The following CHSY1 variants were observed in gnomAD, a reference collection of about 807,000 sequenced individuals.
CHSY1 encodes N-acetylgalactosaminyl-proteoglycan 3-beta-glucuronosyltransferase 1.
Under a neutral mutation model 59.8 loss-of-function variants are expected in CHSY1, and 13 were observed. The ratio of observed to expected loss-of-function variants is 0.22; its 90% confidence interval spans 0.14 to 0.35. The LOEUF (loss-of-function observed/expected upper bound fraction) is 0.35. CHSY1 is among the 10% of genes least tolerant of loss of function. The probability of loss-of-function intolerance (pLI) is 1.00; values close to 1 mark genes in which losing one functional copy is unlikely to be tolerated. For synonymous variants in CHSY1, 459 were observed against 401.2 expected, an observed-to-expected ratio of 1.14 and a Z score of -1.72; for missense variants, 947 against 1,030.6, an observed-to-expected ratio of 0.92 and a Z score of 1.11.
chr15:101,183,234 A>C (rs2038304499), intron 2 of CHSY1, among the ~76,000 whole-genome samples: 3 of 152,162 alleles, frequency 2.0e-5, no homozygotes, highest in Admixed American at 1.3e-4. Context: ...AAAAAAATGG[A>C]TCCAGAATTA....
rs753870351 is a variant in CHSY1 at position 101,176,245 on chromosome 15, T to C, written c.*1143A>G. ...CAGATATTAAATAAATTAAAGGTAT[T>C]TCAGATACAAAGGATAAAACAAAAC... On this transcript the variant is annotated 3_prime_UTR_variant, in exon 3 of 3. Transcript: ENST00000254190. 1 of 398,240 alleles carries C rather than the reference T, an allele frequency of 2.5e-6. No individual in the cohort carries two copies. The highest frequency in any genetic ancestry group is 2.1e-5 in the African/African-American group (1 of 48,520). The allele number at this position is 398,240 out of a possible 1,614,324, so 24.7% of individuals were successfully genotyped here.
Position 101,237,968 on chromosome 15 carries a change from G to A in CHSY1, c.321-2391C>T, listed in dbSNP as rs575135651. Among the ~76,000 whole-genome samples, 73 of 152,114 alleles carry A rather than the reference G, an allele frequency of 4.8e-4. 1 individual carries two copies. The highest frequency in any genetic ancestry group is 6.2e-4 in the Non-Finnish European group (42 of 68,020). ...AATGAAACCCCCACACATCTTTAAG[G>A]GAAAGTCTTAGGAGAGAAATATCTG... On this transcript the variant is annotated intron_variant, in intron 1 of 2. Coordinates refer to ENST00000254190, the MANE Select transcript of CHSY1 (RefSeq NM_014918.5).
intron 1 of CHSY1, among the ~76,000 whole-genome samples, chr15:101,246,189 C>T (rs188194656): frequency 3.3e-5 from 5 of 152,114 alleles, no homozygotes; most frequent in East Asian, 1.9e-4. Context: ...TCAATCTTGG[C>T]GCAAAGAAGG....
At position 101,176,514 on chromosome 15, in the gene CHSY1, T is replaced by C. The variant is rs572707920; in HGVS notation, c.*874A>G. On this transcript the variant is annotated 3_prime_UTR_variant, in exon 3 of 3. Coordinates refer to ENST00000254190, the MANE Select transcript of CHSY1 (RefSeq NM_014918.5). ...TTCTTGAAATTTAATGCCAGGTCTATTTAGGCCGAATGAACTACCACGAGA... is the reference window on the plus strand; with the variant it reads ...TTCTTGAAATTTAATGCCAGGTCTACTTAGGCCGAATGAACTACCACGAGA... 1 of 397,832 alleles carries C rather than the reference T, an allele frequency of 2.5e-6. No homozygotes were observed. The highest frequency in any genetic ancestry group is 3.6e-5 in the East Asian group (1 of 28,014). 24.6% of individuals were successfully genotyped at this position (397,832 alleles called of 1,614,324 possible).
chr15:101,229,279 C>A (rs948996523), intron 2 of CHSY1, among the ~76,000 whole-genome samples: 1 of 152,110 alleles, frequency 6.6e-6, no homozygotes, highest in Non-Finnish European at 1.5e-5. Context: ...TGGCAGAATG[C>A]ATTTTTTAAA....
In CHSY1 at chr15:101,176,897, A is replaced by G. The variant is rs1385701394; in HGVS notation, c.*491T>C. The G allele has an allele frequency of 6.3e-6, 1 of 159,658 alleles. No individual in the cohort carries two copies. The highest frequency in any genetic ancestry group is 1.4e-5 in the Non-Finnish European group (1 of 73,016). 9.9% of individuals were successfully genotyped at this position (159,658 alleles called of 1,614,324 possible). A position where few individuals can be genotyped will look rare whatever the true frequency, so the allele number is the denominator to read the frequency against. On this transcript the variant is annotated 3_prime_UTR_variant, in exon 3 of 3. Coordinates refer to ENST00000254190, the MANE Select transcript of CHSY1 (RefSeq NM_014918.5). ...ACTCTGGAAAGCTCTCCTGAAGACA[A>G]TGATGAAACAGCTATTATCACATTT... is the stretch of plus-strand genomic sequence containing the variant.
intron 2 of CHSY1, among the ~76,000 whole-genome samples, chr15:101,183,146 T>C (rs917938758): frequency 4.0e-5 from 6 of 149,276 alleles, no homozygotes; most frequent in African/African-American, 9.9e-5. Flanking sequence ...ATCATAACGA[T>C]AAAAAAAAAC....
chr15:101,196,708 T>C (rs944287642), intron 2 of CHSY1, among the ~76,000 whole-genome samples: 2 of 152,168 alleles, frequency 1.3e-5, no homozygotes, highest in African/African-American at 4.8e-5. Context: ...GTAAATGCCC[T>C]GGCTTCAAAT....
rs113337780 is a variant in CHSY1, at chr15:101,225,806, A to G, written c.816+9276T>C. On this transcript the variant is annotated intron_variant, in intron 2 of 2. Coordinates refer to ENST00000254190, the MANE Select transcript of CHSY1 (RefSeq NM_014918.5). ...TATAGCCGTGTGAGAACGGACTAAC[A>G]CGCCAGTTCTATTATGGGAATTGAG... 6.6e-3 allele frequency among the ~76,000 whole-genome samples: 1,011 copies of G among 152,276 alleles called. 14 individuals are homozygous for G. The highest frequency in any genetic ancestry group is 0.023 in the African/African-American group (964 of 41,548).
chr15:101,183,507 A>C (rs1261891267), intron 2 of CHSY1, among the ~76,000 whole-genome samples: 1 of 152,226 alleles, frequency 6.6e-6, no homozygotes, highest in Non-Finnish European at 1.5e-5. Flanking sequence ...CCATCCAGTG[A>C]GAACAGCAAA....
At chr15:101,179,002 A>T in intron 2 of CHSY1, 22 bp from the exon 3 acceptor site, 1 of 1,612,130 alleles carries the variant, frequency 6.2e-7, no homozygotes, top group African/African-American at 1.3e-5. Flanking sequence ...AAAAAAAGAG[A>T]TCACAAATTT....
At chr15:101,188,148 C>T (rs534515373) in intron 2 of CHSY1, 104 of 985,322 alleles carry the variant, frequency 1.1e-4, no homozygotes, top group Non-Finnish European at 1.2e-4. Flanking sequence ...TGCTACAGAG[C>T]GACAACTTCC....
chr15:101,237,175 G>A (rs1366307501), intron 1 of CHSY1, among the ~76,000 whole-genome samples: 2 of 137,654 alleles, frequency 1.5e-5, no homozygotes, highest in Admixed American at 1.6e-4. Flanking sequence ...AATGAGCCGA[G>A]ATCGCACCAC....
chr15:101,251,381 G>T lies in CHSY1; in HGVS notation c.76C>A (p.Leu26Ile). The change falls in exon 1 of 3, where the codon CTC (leucine) becomes ATC (isoleucine). Residue 26 changes from leucine to isoleucine, a missense_variant. Around this residue, in one of 4 missense-constraint regions of CHSY1, gnomAD observed 232 missense variants for 188.5 expected, o/e 1.23. Transcript: ENST00000254190. Reference protein sequence around the residue: ...LVLGFVLASRLVLPRASELKR... With the variant: ...LVLGFVLASRIVLPRASELKR... ...AGCTCGGAAGCCCGGGGCAGGACGA[G>T]CCGCGAGGCCAGCACGAAGCCCAGG... The T allele has an allele frequency of 8.6e-7, 1 of 1,166,460 alleles. No individual in the cohort carries two copies. Among genetic ancestry groups the T allele is most frequent in the South Asian group, 1.6e-5 (1 of 61,956 alleles). The allele number at this position is 1,166,460 out of a possible 1,614,324, so 72.3% of individuals were successfully genotyped here.
chr15:101,209,061 A>T (rs2038657167), intron 2 of CHSY1, among the ~76,000 whole-genome samples: 1 of 152,220 alleles, frequency 6.6e-6, no homozygotes, highest in South Asian at 2.1e-4. Context: ...CAGTCTCTCC[A>T]CAATGACACT....
chr15:101,230,105 C>T (rs1212208417), intron 2 of CHSY1, among the ~76,000 whole-genome samples: 28 of 151,874 alleles, frequency 1.8e-4, no homozygotes, highest in Admixed American at 1.8e-3. Context: ...CCATGCCCGG[C>T]TAATTTTTGT....
Position 101,246,335 on chromosome 15 carries a change from G to A in CHSY1, c.320+4802C>T, listed in dbSNP as rs74709099. ...CAAGGTTCTGGGCATAAAAATGGAC[G>A]AATAAGCAAAATACGTGTGGCTTTT... On this transcript the variant is annotated intron_variant, in intron 1 of 2. Coordinates refer to ENST00000254190, the MANE Select transcript of CHSY1 (RefSeq NM_014918.5). Among the ~76,000 whole-genome samples the A allele has an allele frequency of 7.8e-3, 1,128 of 145,118 alleles. 12 individuals are homozygous for A. Among genetic ancestry groups the A allele is most frequent in the African/African-American group, 0.027 (1,076 of 39,318 alleles).
At chr15:101,237,627 C>T (rs1004191697) in intron 1 of CHSY1, among the ~76,000 whole-genome samples, 14 of 152,068 alleles carry the variant, frequency 9.2e-5, no homozygotes, top group Non-Finnish European at 2.1e-4. Flanking sequence ...GGTTGCCCAT[C>T]GACAGAGGGA....
intron 2 of CHSY1, among the ~76,000 whole-genome samples, chr15:101,228,992 G>A (rs1346057063): frequency 2.6e-5 from 4 of 152,116 alleles, no homozygotes; most frequent in African/African-American, 7.2e-5. Flanking sequence ...CTACACATGA[G>A]CAAATCTTGT....
Sources: allele counts gnomAD v4.1 joint callset (sites outside exome capture counted in the v4.1 genomes callset), GRCh38; gene constraint gnomAD v4.1.1; regional missense constraint gnomAD v4.1.1; transcripts MANE v1.5; gene names NCBI Gene and HGNC (gene_info 2026-07-23, HGNC 2026-07-21).